The following KRT27 variants were observed in gnomAD, a reference collection of about 807,000 sequenced individuals.
The protein encoded by KRT27 is keratin, type I cytoskeletal 27.
KRT27 carries 30 observed loss-of-function variants against 45.3 expected under a neutral mutation model. That is an observed-to-expected ratio of 0.66 (90% CI 0.50 to 0.90). The LOEUF is 0.90. Among genes scored for constraint, KRT27 ranks in the 40% least tolerant of loss-of-function variants. KRT27 has a pLI of 0.00. For synonymous variants in KRT27, 204 were observed against 223.9 expected (o/e 0.91, Z 0.79); for missense variants, 610 against 564.3 (o/e 1.08, Z -0.82).
At chr17:40,779,278 A>G (rs2038288967) in intron 5 of KRT27, among the ~76,000 whole-genome samples, 1 of 152,184 alleles carries the variant, frequency 6.6e-6, no homozygotes. Context: ...TTTTTCCAGT[A>G]TCTTGACTGT....
intron 3 of KRT27, 100 bp downstream of exon 3, chr17:40,780,200 T>C (rs538880589): frequency 8.4e-7 from 1 of 1,186,714 alleles, no homozygotes; most frequent in South Asian, 1.7e-5. Context: ...GACAGGTTCC[T>C]TCTTGAATGT....
rs368418704 is a variant in KRT27, at chr17:40,780,391, A to G, written c.593T>C (p.Leu198Pro). The G allele has an allele frequency of 6.2e-6, 10 of 1,613,784 alleles. No homozygotes were observed. In the African/African-American group the frequency reaches 1.1e-4, roughly 17 times the overall value. Residue 198 changes from leucine to proline, a missense_variant, in exon 3 of 8, where the codon CTG becomes CCG. Transcript: ENST00000301656. The part of the protein sequence containing the change: ...EADINGLRRV[L>P]DELTLCRTDL... ...CGTTCTGCACAAGGTCAGCTCATCCAGGACTCTTCGCAAACCATTGATGTC... is the reference window on the plus strand; with the variant it reads ...CGTTCTGCACAAGGTCAGCTCATCCGGGACTCTTCGCAAACCATTGATGTC...
rs1293572977 is a variant in KRT27 at position 40,782,239 on chromosome 17, C to T, written c.255G>A (p.Lys85=). ...NEHGLLSGNE[K]VTMQNLNDRL... ...GGTCGTTGAGGTTCTGCATGGTCAC[C>T]TTCTCATTGCCAGAGAGGAGGCCGT... is the stretch of plus-strand genomic sequence containing the variant. The change falls in exon 1 of 8, where the codon AAG becomes AAA. Residue 85 remains lysine, a synonymous_variant. Transcript: ENST00000301656. 9.3e-6 allele frequency: 15 copies of T among 1,614,144 alleles called. No individual in the cohort carries two copies. Among genetic ancestry groups the T allele is most frequent in the Non-Finnish European group, 1.3e-5 (15 of 1,180,050 alleles).
Position 40,782,548 on chromosome 17 carries a change from C to T in KRT27, c.-55G>A. On this transcript the variant is annotated 5_prime_UTR_variant, in exon 1 of 8. Transcript: ENST00000301656. ...GCGGTGATGCTCTGATGGTGAACGGCCTACTCAAACAGCTTGGTTTGCCTT... is the reference window on the plus strand; with the variant it reads ...GCGGTGATGCTCTGATGGTGAACGGTCTACTCAAACAGCTTGGTTTGCCTT... 1 of 1,393,698 alleles carries T rather than the reference C, an allele frequency of 7.2e-7. No homozygotes were observed. Among genetic ancestry groups the T allele is most frequent in the Non-Finnish European group, 9.6e-7 (1 of 1,041,850 alleles). 86.3% of individuals were successfully genotyped at this position (1,393,698 alleles called of 1,614,324 possible).
rs1159198903 is a variant in KRT27 at position 40,779,754 on chromosome 17, G to A, written c.792C>T (p.Tyr264=). The change falls in exon 4 of 8, where the codon TAC becomes TAT. Residue 264 remains tyrosine (Y), a synonymous_variant. Coordinates refer to ENST00000301656, the MANE Select transcript of KRT27 (RefSeq NM_181537.4). ...TGCGGTTCTGCTCTGCGAGGGCTTC[G>A]TACTCAGCTCGCATATTGTTCAGCA... ...TVLLNNMRAE[Y]EALAEQNRRD... is the part of the protein sequence containing the mutation. 1 of 1,614,244 alleles carries A rather than the reference G, an allele frequency of 6.2e-7. No individual in the cohort carries two copies. The highest frequency in any genetic ancestry group is 8.5e-7 in the Non-Finnish European group (1 of 1,180,040).
In KRT27 at chr17:40,779,818, A is replaced by G; in HGVS notation, c.728T>C (p.Val243Ala). Residue 243 changes from valine to alanine, a missense_variant, in exon 4 of 8, where the codon GTG becomes GCG. By Grantham distance (64) the Val-to-Ala change is moderately conservative (BLOSUM62 0). Transcript: ENST00000301656. ...TACCCCGGGGGCCGCGTTCATCTCC[A>G]CGTTCACGTTGCCTCCAGCCGCGCA... is the stretch of plus-strand genomic sequence containing the variant. The part of the protein sequence containing the change: ...LQCAAGGNVN[V>A]EMNAAPGVDL... 1.2e-6 allele frequency: 2 copies of G among 1,614,080 alleles called. No homozygotes were observed. The highest frequency in any genetic ancestry group is 1.7e-6 in the Non-Finnish European group (2 of 1,179,992).
intron 2 of KRT27, 118 bp downstream of exon 2, chr17:40,781,070 A>G (rs2038307579): frequency 1.7e-6 from 1 of 578,282 alleles, no homozygotes; most frequent in East Asian, 3.1e-5. Flanking sequence ...TTTGTTTAAA[A>G]CAAATACATG....
chr17:40,778,832 A>AT (rs900413046), intron 5 of KRT27, among the ~76,000 whole-genome samples: 8 of 132,810 alleles, frequency 6.0e-5, no homozygotes, highest in Admixed American at 2.2e-4. Context: ...AAGCAGTAGG[A>AT]TTTTTTTTCT....
At chr17:40,780,257 G>C in intron 3 of KRT27, 43 bp downstream of exon 3, 1 of 1,546,344 alleles carries the variant, frequency 6.5e-7, no homozygotes, top group Non-Finnish European at 8.7e-7. Context: ...TTTAAAATTT[G>C]GTAGGGAGGC....
rs1335391968 is a variant in KRT27, at chr17:40,777,014, C to T, written c.1365G>A (p.Gln455=). ...AGGCTGGAGTTCAGGAAGACACCCT[C>T]TGTTCATTCTTGTTGTTGACTTTGG... ...KSTKVNNKNE[Q]RVSS The change falls in exon 8 of 8, where the codon CAG becomes CAA. Residue 455 remains glutamine, a synonymous_variant. Transcript: ENST00000301656. The T allele has an allele frequency of 1.2e-6, 2 of 1,612,388 alleles. No homozygotes were observed. The highest frequency in any genetic ancestry group is 1.7e-5 in the Admixed American group (1 of 59,990).
Position 40,777,035 on chromosome 17 carries a change from T to G in KRT27, c.1344A>C (p.Lys448Asn), listed in dbSNP as rs1290973300. 6.2e-7 allele frequency: 1 copy of G among 1,613,766 alleles called. No individual in the cohort carries two copies. The highest frequency in any genetic ancestry group is 1.7e-5 in the Admixed American group (1 of 60,022). ...CCCTCTGTTCATTCTTGTTGTTGAC[T>G]TTGGTGGATTTCTCTTCCACAGTGT... Reference protein sequence around the residue: ...RVHTVEEKSTKVNNKNEQRVS... With the variant: ...RVHTVEEKSTNVNNKNEQRVS... The change falls in exon 8 of 8, where the codon AAA becomes AAC. Residue 448 changes from lysine to asparagine, a missense_variant. Coordinates refer to ENST00000301656, the MANE Select transcript of KRT27 (RefSeq NM_181537.4).
rs1361713810 is a variant in KRT27 at position 40,782,475 on chromosome 17, A to G, written c.19T>C (p.Ser7Pro). The G allele has an allele frequency of 6.3e-7, 1 of 1,582,322 alleles. No individual in the cohort carries two copies. The highest frequency in any genetic ancestry group is 8.6e-7 in the Non-Finnish European group (1 of 1,164,412). Residue 7 changes from serine to proline, a missense_variant, in exon 1 of 8, where the codon TCT (serine) becomes CCT (proline). Coordinates refer to ENST00000301656, the MANE Select transcript of KRT27 (RefSeq NM_181537.4). ...CAAGAGCCAAGTCTCCTGGAGGTAGAAGAAAAGCGCACAGACATGGTGTCC... is the reference window on the plus strand; with the variant it reads ...CAAGAGCCAAGTCTCCTGGAGGTAGGAGAAAAGCGCACAGACATGGTGTCC... MSVRFS[S>P]TSRRLGSCGG...
In KRT27 at chr17:40,777,258, G is replaced by T. The variant is rs528340452; in HGVS notation, c.1235C>A (p.Thr412Lys). 2 of 1,613,878 alleles carry T rather than the reference G, an allele frequency of 1.2e-6. No individual in the cohort carries two copies. Among genetic ancestry groups the T allele is most frequent in the African/African-American group, 2.7e-5 (2 of 75,036 alleles). ...SKGYGGPGNQ[T>K]KDSSKTTIVK... ...CTAACACAGCTTTTGTTTACCTTTTGTTTGATTTCCTGGGCCTCCATAGCC... is the reference window on the plus strand; with the variant it reads ...CTAACACAGCTTTTGTTTACCTTTTTTTTGATTTCCTGGGCCTCCATAGCC... The change falls in exon 7 of 8, where the codon ACA (threonine) becomes AAA (lysine). Residue 412 changes from threonine (T) to lysine (K), a missense_variant. By Grantham distance (78) the Thr-to-Lys change is moderately conservative. Transcript: ENST00000301656.
chr17:40,779,942 C>T, intron 3 of KRT27, 81 bp from the exon 4 acceptor site: 1 of 1,455,474 alleles, frequency 6.9e-7, no homozygotes, highest in African/African-American at 1.4e-5. Flanking sequence ...CGCTCTGATG[C>T]CTAGGCTGAA....
At chr17:40,777,814 G>T in intron 5 of KRT27, 82 bp from the exon 6 acceptor site, 2 of 1,304,346 alleles carry the variant, frequency 1.5e-6, no homozygotes, top group Admixed American at 1.9e-5. Context: ...ATAATTAAGA[G>T]AATTATCCTT....
At chr17:40,781,849 A>C (rs917316095) in intron 1 of KRT27, among the ~76,000 whole-genome samples, 12 of 152,208 alleles carry the variant, frequency 7.9e-5, no homozygotes, top group African/African-American at 2.2e-4. Context: ...TACCAAAAGC[A>C]TATACCTAAT....
At position 40,780,473 on chromosome 17, in the gene KRT27, G is replaced by A. The variant is rs766547509; in HGVS notation, c.528-17C>T. ...TTTTCAAACCTTAGAAAAGTATTTG[G>A]AAGTTTCATCATTAGTCATTAGACA... On this transcript the variant is annotated splice_polypyrimidine_tract_variant and intron_variant, in intron 2 of 7. Transcript: ENST00000301656. The A allele has an allele frequency of 4.8e-5, 78 of 1,610,608 alleles. No individual in the cohort carries two copies. The highest frequency in any genetic ancestry group is 6.1e-5 in the Non-Finnish European group (72 of 1,178,548).
At chr17:40,778,992 C>CA (rs2038287394) in intron 5 of KRT27, among the ~76,000 whole-genome samples, 1 of 152,116 alleles carries the variant, frequency 6.6e-6, no homozygotes, top group Non-Finnish European at 1.5e-5. Flanking sequence ...TGGGAACATT[C>CA]AAAATCCTCT....
At position 40,780,289 on chromosome 17, in the gene KRT27, G is replaced by T. The variant is rs1163852010; in HGVS notation, c.684+11C>A. 1 of 1,587,222 alleles carries T rather than the reference G, an allele frequency of 6.3e-7. No individual in the cohort carries two copies. The highest frequency in any genetic ancestry group is 1.1e-5 in the South Asian group (1 of 87,920). ...AGGCGATTGTGAGAGCCAGCCGGGT[G>T]GAGCTTCTACCTCCTCATGATTCTT... On this transcript the variant is annotated intron_variant, in intron 3 of 7. Transcript: ENST00000301656.
Sources: gnomAD v4.1 joint callset for allele counts (sites outside exome capture counted in the v4.1 genomes callset) on GRCh38, gnomAD v4.1.1 for gene constraint, MANE v1.5 for transcripts, NCBI Gene and HGNC (gene_info 2026-07-23, HGNC 2026-07-21) for gene names.